The following PDE7A variants were observed in gnomAD, a reference collection of about 807,000 sequenced individuals.
The protein encoded by PDE7A is high affinity 3',5'-cyclic-AMP phosphodiesterase 7A.
PDE7A carries 39 observed loss-of-function variants against 64.3 expected under a neutral mutation model. That is an observed-to-expected ratio of 0.61 (90% CI 0.47 to 0.79). The LOEUF is 0.79. PDE7A is among the 30% of genes least tolerant of loss of function. PDE7A has a pLI of 0.00. For synonymous variants in PDE7A, 203 were observed against 206.8 expected (o/e 0.98, Z 0.16); for missense variants, 470 against 582.8 (o/e 0.81, Z 1.99).
At chr8:65,786,202 T>C (rs1809554623) in intron 1 of PDE7A, among the ~76,000 whole-genome samples, 1 of 152,178 alleles carries the variant, frequency 6.6e-6, no homozygotes, top group South Asian at 2.1e-4. Context: ...CATTATAAGG[T>C]ACTAATTTAA....
intron 1 of PDE7A, among the ~76,000 whole-genome samples, chr8:65,834,865 C>G (rs1356424002): frequency 1.3e-5 from 2 of 152,160 alleles, no homozygotes; most frequent in Admixed American, 1.3e-4. Context: ...AGGAACCTAC[C>G]AGCAGCCAAA....
At chr8:65,751,161 G>GT (rs1424332119) in intron 3 of PDE7A, among the ~76,000 whole-genome samples, 2 of 152,120 alleles carry the variant, frequency 1.3e-5, no homozygotes, top group Non-Finnish European at 2.9e-5. Context: ...AAGCCTACAC[G>GT]TAACAAGATT....
intron 1 of PDE7A, among the ~76,000 whole-genome samples, chr8:65,831,909 C>T (rs1349525145): frequency 6.6e-6 from 1 of 152,154 alleles, no homozygotes; most frequent in Non-Finnish European, 1.5e-5. Flanking sequence ...AATAAAGTTA[C>T]ATACAATTAT....
intron 1 of PDE7A, among the ~76,000 whole-genome samples, chr8:65,827,063 C>T (rs1810695569): frequency 6.6e-6 from 1 of 152,158 alleles, no homozygotes; most frequent in African/African-American, 2.4e-5. Flanking sequence ...TGCAAAGACC[C>T]TTACTCCAAA....
Position 65,817,183 on chromosome 8 carries a change from ATTAT to A in PDE7A, c.138+24184_138+24187del, listed in dbSNP as rs374697026. ...TTTAAAACTTTTAACTTTGCAATAAATTATTTACAGAAAAGTTGCAAAGATAGTA... is the reference window on the plus strand; with the variant it reads ...TTTAAAACTTTTAACTTTGCAATAAATTACAGAAAAGTTGCAAAGATAGTA... On this transcript the variant is annotated intron_variant, in intron 1 of 12. Transcript: ENST00000401827. Among the ~76,000 whole-genome samples the A allele has an allele frequency of 1.2e-4, 18 of 152,308 alleles. No individual in the cohort carries two copies. In the East Asian group the frequency reaches 2.7e-3, roughly 23 times the overall value.
In PDE7A at chr8:65,724,765, G is replaced by GC. The variant is rs754385671; in HGVS notation, c.1065+11dup. 1 of 1,592,782 alleles carries GC rather than the reference G, an allele frequency of 6.3e-7. No individual in the cohort carries two copies. The highest frequency in any genetic ancestry group is 2.2e-5 in the East Asian group (1 of 44,456). On this transcript the variant is annotated intron_variant, in intron 10 of 12. Transcript: ENST00000401827. ...TATCCTAGAAATAGAATGTTTCCAA[G>GC]CCCCATTTTACCTGTAAAACCAAAT...
At chr8:65,792,233 C>T (rs1314431639) in intron 1 of PDE7A, among the ~76,000 whole-genome samples, 1 of 152,068 alleles carries the variant, frequency 6.6e-6, no homozygotes, top group African/African-American at 2.4e-5. Context: ...GCATAGGATA[C>T]ACTTAAAATT....
At chr8:65,758,727 T>C (rs1808351688) in intron 3 of PDE7A, among the ~76,000 whole-genome samples, 1 of 152,216 alleles carries the variant, frequency 6.6e-6, no homozygotes, top group Admixed American at 6.5e-5. Context: ...GTATGTTCCT[T>C]TGTCTGACAA....
At chr8:65,736,672 G>A (rs1003642620) in intron 6 of PDE7A, among the ~76,000 whole-genome samples, 23 of 151,894 alleles carry the variant, frequency 1.5e-4, no homozygotes, top group African/African-American at 4.8e-4. Context: ...GATCGCATGA[G>A]CCGAGAGGTT....
intron 3 of PDE7A, among the ~76,000 whole-genome samples, chr8:65,755,695 T>C (rs1247267288): frequency 6.6e-6 from 1 of 152,254 alleles, no homozygotes; most frequent in East Asian, 1.9e-4. Context: ...TTTACTTGTG[T>C]AGTAACCTTT....
chr8:65,743,509 T>C (rs1377816128), intron 5 of PDE7A, among the ~76,000 whole-genome samples: 1 of 152,136 alleles, frequency 6.6e-6, no homozygotes, highest in East Asian at 1.9e-4. Context: ...GTCTTCACAA[T>C]TTTGCCTAGG....
At chr8:65,737,798 C>T (rs1041301189) in intron 6 of PDE7A, among the ~76,000 whole-genome samples, 1 of 152,176 alleles carries the variant, frequency 6.6e-6, no homozygotes, top group Non-Finnish European at 1.5e-5. Flanking sequence ...GGATTACAGG[C>T]GTGAGCCACC....
At chr8:65,719,753 TTC>T in intron 12 of PDE7A, 1 of 457,410 alleles carries the variant, frequency 2.2e-6, no homozygotes, top group Non-Finnish European at 4.0e-6. Flanking sequence ...CTGGTTATCC[TTC>T]TCAGTGGCAC....
intron 3 of PDE7A, among the ~76,000 whole-genome samples, chr8:65,754,958 C>T (rs1311442672): frequency 2.7e-5 from 4 of 150,212 alleles, no homozygotes; most frequent in Admixed American, 2.6e-4. Flanking sequence ...AGCGAGACTC[C>T]CTCAAAAAAA....
intron 3 of PDE7A, among the ~76,000 whole-genome samples, chr8:65,777,923 T>G (rs1385626150): frequency 1.3e-5 from 2 of 152,222 alleles, no homozygotes; most frequent in Non-Finnish European, 2.9e-5. Context: ...ACTTCCTGAA[T>G]CTGTCCCTTA....
chr8:65,819,230 C>CA (rs944102508), intron 1 of PDE7A, among the ~76,000 whole-genome samples: 31 of 152,078 alleles, frequency 2.0e-4, no homozygotes, highest in Middle Eastern at 3.4e-3. Flanking sequence ...ACTGTCTCTA[C>CA]AAAAAAATAT....
intron 1 of PDE7A, among the ~76,000 whole-genome samples, chr8:65,815,140 A>C (rs368246601): frequency 1.3e-5 from 2 of 152,192 alleles, no homozygotes; most frequent in East Asian, 3.8e-4. Context: ...TAATGTTGAC[A>C]ATATTTATAA....
chr8:65,816,654 T>C (rs762723358), intron 1 of PDE7A, among the ~76,000 whole-genome samples: 3 of 152,238 alleles, frequency 2.0e-5, no homozygotes, highest in Non-Finnish European at 4.4e-5. Flanking sequence ...TTCCAGCACT[T>C]TGAATATGTC....
intron 2 of PDE7A, 65 bp from the exon 3 acceptor site, chr8:65,779,868 G>T: frequency 1.0e-6 from 1 of 962,486 alleles, no homozygotes; most frequent in Non-Finnish European, 1.6e-6. Context: ...GCTTCCATAT[G>T]CAACAAAGGT....
Sources: gnomAD v4.1 joint callset for allele counts (sites outside exome capture counted in the v4.1 genomes callset) on GRCh38, gnomAD v4.1.1 for gene constraint, MANE v1.5 for transcripts, NCBI Gene and HGNC (gene_info 2026-07-23, HGNC 2026-07-21) for gene names.